PTGR1: variants seen among roughly 807,000 people sequenced by gnomAD.
The protein encoded by PTGR1 is 15-oxoprostaglandin 13-reductase.
PTGR1 carries 23 observed loss-of-function variants against 37.7 expected under a neutral mutation model. The ratio of observed to expected loss-of-function variants is 0.61; its 90% CI spans 0.44 to 0.86. PTGR1 has a LOEUF of 0.86. PTGR1 is among the 40% of genes least tolerant of loss of function. PTGR1 has a pLI of 0.00. For missense variants in PTGR1, 351 were observed against 394.3 expected, an observed-to-expected ratio of 0.89 and a Z score of 0.93; for synonymous variants, 134 against 140.0, an observed-to-expected ratio of 0.96 and a Z score of 0.30.
intron 9 of PTGR1, among the ~76,000 whole-genome samples, chr9:111,552,524 C>G (rs568867569): frequency 6.6e-6 from 1 of 152,214 alleles, no homozygotes; most frequent in East Asian, 1.9e-4. Flanking sequence ...GAGTTCCATC[C>G]TTGTGATAGA....
chr9:111,580,574 G>A (rs1262178545), intron 6 of PTGR1, among the ~76,000 whole-genome samples: 5 of 152,028 alleles, frequency 3.3e-5, no homozygotes, highest in East Asian at 1.9e-4. Flanking sequence ...TGACCAACAC[G>A]GAGAAACCCC....
At chr9:111,585,833 G>T (rs1829412160) in intron 5 of PTGR1, among the ~76,000 whole-genome samples, 165 bp downstream of exon 5, 1 of 152,140 alleles carries the variant, frequency 6.6e-6, no homozygotes, top group African/African-American at 2.4e-5. Flanking sequence ...ACCCATTGAT[G>T]GACACTTAGG....
At chr9:111,567,757 T>C (rs1393642810) in intron 9 of PTGR1, among the ~76,000 whole-genome samples, 1 of 152,078 alleles carries the variant, frequency 6.6e-6, no homozygotes, top group African/African-American at 2.4e-5. Flanking sequence ...ACATTGGGAA[T>C]TGTCTATAGG....
At chr9:111,576,584 T>C (rs2132382787) in intron 7 of PTGR1, 1 of 667,076 alleles carries the variant, frequency 1.5e-6, no homozygotes, top group Non-Finnish European at 2.4e-6. Context: ...ACTTAACACT[T>C]CTGAACCTCC....
chr9:111,572,129 A>C (rs1347951829), intron 8 of PTGR1, among the ~76,000 whole-genome samples: 2 of 152,218 alleles, frequency 1.3e-5, no homozygotes, highest in Non-Finnish European at 2.9e-5. Flanking sequence ...CTCAGCCTAA[A>C]GTTCCCACTG....
At chr9:111,596,782 G>T (rs938519317) in intron 2 of PTGR1, among the ~76,000 whole-genome samples, 5 of 149,856 alleles carry the variant, frequency 3.3e-5, no homozygotes, top group Non-Finnish European at 7.4e-5. Flanking sequence ...CAAAAATTAG[G>T]GGGGCATGGT....
In PTGR1 at chr9:111,578,131, A is replaced by T. The variant is rs79483630; in HGVS notation, c.651+665T>A. Among the ~76,000 whole-genome samples the T allele has an allele frequency of 1.4e-3, 206 of 152,276 alleles. 2 individuals carry two copies. The highest frequency in any genetic ancestry group is 3.1e-3 in the East Asian group (16 of 5,174). On this transcript the variant is annotated intron_variant, in intron 7 of 9. Coordinates refer to ENST00000407693, the MANE Select transcript of PTGR1 (RefSeq NM_001146108.2). ...TGATATCTCAATAAAGCTGTTTTTT[A>T]AAAAAGGCATATATACTTTCTTCAT...
At chr9:111,567,093 AC>A (rs1828594103) in intron 9 of PTGR1, among the ~76,000 whole-genome samples, 2 of 151,656 alleles carry the variant, frequency 1.3e-5, no homozygotes, top group Non-Finnish European at 2.9e-5. Context: ...AAAAAAAAAA[AC>A]AAAAAAAGTC....
chr9:111,571,641 C>A (rs1334035614), intron 8 of PTGR1, among the ~76,000 whole-genome samples: 1 of 148,644 alleles, frequency 6.7e-6, no homozygotes, highest in Non-Finnish European at 1.5e-5. Flanking sequence ...CCACACCTGG[C>A]TAATTTTTTT....
At chr9:111,568,011 A>T (rs572859545) in intron 9 of PTGR1, among the ~76,000 whole-genome samples, 11 of 152,194 alleles carry the variant, frequency 7.2e-5, no homozygotes, top group Non-Finnish European at 1.3e-4. Context: ...CACTGTGATA[A>T]TTGTGTTAAC....
chr9:111,559,831 G>A (rs145608129), downstream of PTGR1, among the ~76,000 whole-genome samples: 2,633 of 152,196 alleles, frequency 0.017, 52 homozygotes, highest in South Asian at 0.03. Flanking sequence ...AGAGGACACG[G>A]GCAGTGACTT....
chr9:111,590,012 A>C (rs976238776), intron 4 of PTGR1, among the ~76,000 whole-genome samples: 1 of 152,234 alleles, frequency 6.6e-6, no homozygotes, highest in Non-Finnish European at 1.5e-5. Context: ...CATAATTATA[A>C]ATACTTACAA....
chr9:111,550,939 T>C (rs1030675684), intron 9 of PTGR1, among the ~76,000 whole-genome samples: 1 of 152,222 alleles, frequency 6.6e-6, no homozygotes, highest in African/African-American at 2.4e-5. Context: ...TCTCTCACAC[T>C]GGAGGCTTTC....
chr9:111,572,755 T>TCAA (rs1364485964), intron 8 of PTGR1, among the ~76,000 whole-genome samples: 1 of 25,430 alleles, frequency 3.9e-5, no homozygotes, highest in Admixed American at 4.7e-4. Flanking sequence ...AGACCCTGTC[T>TCAA]CAAAAAAAAA....
In PTGR1 at chr9:111,592,957, C is replaced by T; in HGVS notation, c.178G>A (p.Gly60Ser). Reference protein sequence around the residue: ...MRVAAKRLKEGDTMMGQQVAK... With the variant: ...MRVAAKRLKESDTMMGQQVAK... Reference sequence around the variant, plus strand: ...ACTTGCTGCCCCATCATTGTATCACCTTCCTTCAATCTTTTGGCTGCCACT... The same window carrying T: ...ACTTGCTGCCCCATCATTGTATCACTTTCCTTCAATCTTTTGGCTGCCACT... Residue 60 changes from glycine to serine, a missense_variant, in exon 4 of 10, where the codon GGT becomes AGT. Coordinates refer to ENST00000407693, the MANE Select transcript of PTGR1 (RefSeq NM_001146108.2). 3 of 1,474,034 alleles carry T rather than the reference C, an allele frequency of 2.0e-6. No homozygotes were observed. Among genetic ancestry groups the T allele is most frequent in the Non-Finnish European group, 2.7e-6 (3 of 1,101,474 alleles). 91.3% of individuals were successfully genotyped at this position (1,474,034 alleles called of 1,614,324 possible). A position where few individuals can be genotyped will look rare whatever the true frequency, so the allele number is the denominator to read the frequency against.
In PTGR1 at chr9:111,578,801, CA is replaced by C; in HGVS notation, c.645del (p.Phe215LeufsTer4). ...KASPDGYDCY[F>X]DNVGGEFSNT... ...TAAGTCCAGTTTGTACTTACATTAT[CA>C]AAATAACAATCATAACCATCAGGAG... is the stretch of plus-strand genomic sequence containing the variant. On this transcript the variant is annotated frameshift_variant, in exon 7 of 10. Transcript: ENST00000407693. LOFTEE classifies it high-confidence loss of function. 1 of 1,602,066 alleles carries C rather than the reference CA, an allele frequency of 6.2e-7. No homozygotes were observed. Among genetic ancestry groups the C allele is most frequent in the South Asian group, 1.1e-5 (1 of 89,138 alleles).
At chr9:111,567,003 C>T (rs1369214330) in intron 9 of PTGR1, among the ~76,000 whole-genome samples, 1 of 151,728 alleles carries the variant, frequency 6.6e-6, no homozygotes, top group Non-Finnish European at 1.5e-5. Context: ...GTGGGAGAAT[C>T]CCCTGAGCCT....
Position 111,570,134 on chromosome 9 carries a change from G to A in PTGR1, c.836C>T (p.Ala279Val), listed in dbSNP as rs947595870. 3 of 1,614,092 alleles carry A rather than the reference G, an allele frequency of 1.9e-6. No homozygotes were observed. The highest frequency in any genetic ancestry group is 1.7e-5 in the Admixed American group (1 of 60,020). Residue 279 changes from alanine to valine, a missense_variant, in exon 9 of 10, where the codon GCC becomes GTC. Transcript: ENST00000407693. ...CAAGTCCTTCAGAGCTTTTTGGCGG[G>A]CATCTCCTTGCCAGCGGTAGACGAC... ...AFVVYRWQGD[A>V]RQKALKDLLK...
rs1403666648 is a variant in PTGR1, at chr9:111,592,937, C to A, written c.198G>T (p.Gln66His). 6.7e-7 allele frequency: 1 copy of A among 1,493,044 alleles called. No homozygotes were observed. The highest frequency in any genetic ancestry group is 3.0e-5 in the East Asian group (1 of 33,082). 92.5% of individuals were successfully genotyped at this position (1,493,044 alleles called of 1,614,324 possible). ...ATGGAAATAATTACTTGGCCACTTG[C>A]TGCCCCATCATTGTATCACCTTCCT... ...RLKEGDTMMG[Q>H]QVAKVVESKN... The change falls in exon 4 of 10, where the codon CAG becomes CAT. Residue 66 changes from glutamine to histidine, a missense_variant. Coordinates refer to ENST00000407693, the MANE Select transcript of PTGR1 (RefSeq NM_001146108.2).
Sources: gnomAD v4.1 joint callset for allele counts (sites outside exome capture counted in the v4.1 genomes callset) on GRCh38, gnomAD v4.1.1 for gene constraint, MANE v1.5 for transcripts, NCBI Gene and HGNC (gene_info 2026-07-23, HGNC 2026-07-21) for gene names.